The following CPZ variants were observed in gnomAD, a reference collection of about 807,000 sequenced individuals.
The protein encoded by CPZ is carboxypeptidase Z.
Under a neutral mutation model 61.8 loss-of-function variants are expected in CPZ, and 103 were observed. The ratio of observed to expected loss-of-function variants is 1.67; its 90% confidence interval spans 1.42 to 1.96. CPZ has a LOEUF of 1.96. Among genes scored for constraint, CPZ ranks in the 30% most tolerant of loss-of-function variants. CPZ has a pLI of 0.00. For missense variants in CPZ, 1,461 were observed against 914.9 expected (o/e 1.60, Z -7.70); for synonymous variants, 551 against 373.7 (o/e 1.47, Z -5.47).
Position 8,592,774 on chromosome 4 carries a change from G to A in CPZ, c.-60G>A. ...GGAGCCCAGCGAGCGCAGAGCCCCG[G>A]CCCCGCGCGGCCCGAGTGCCACATC... On this transcript the variant is annotated 5_prime_UTR_variant, in exon 1 of 11. Coordinates refer to ENST00000360986, the MANE Select transcript of CPZ (RefSeq NM_001014447.3). 8.1e-7 allele frequency: 1 copy of A among 1,236,500 alleles called. No homozygotes were observed. Among genetic ancestry groups the A allele is most frequent in the Non-Finnish European group, 1.1e-6 (1 of 951,598 alleles). The allele number at this position is 1,236,500 out of a possible 1,614,324, so 76.6% of individuals were successfully genotyped here.
At position 8,619,515 on chromosome 4, in the gene CPZ, C is replaced by A; in HGVS notation, c.1857C>A (p.Leu619=). Residue 619 remains leucine, a synonymous_variant, in exon 11 of 11, where the codon CTC becomes CTA. Transcript: ENST00000360986. ...GGGAGGCCACGGAGCCCGACCCGCT[C>A]CGGGCGCGCAGGCAGCCCTCGGCCG... ...SLGEATEPDP[L]RARRQPSADG... is the part of the protein sequence containing the mutation. The A allele has an allele frequency of 1.3e-6, 2 of 1,597,468 alleles. No individual in the cohort carries two copies. The highest frequency in any genetic ancestry group is 1.7e-6 in the Non-Finnish European group (2 of 1,170,364).
rs190728963 is a variant in CPZ, at chr4:8,619,719, G to C, written c.*102G>C. The C allele has an allele frequency of 1.1e-6, 1 of 875,958 alleles. No individual in the cohort carries two copies. Among genetic ancestry groups the C allele is most frequent in the African/African-American group, 1.7e-5 (1 of 58,160 alleles). 54.3% of individuals were successfully genotyped at this position (875,958 alleles called of 1,614,324 possible). On this transcript the variant is annotated 3_prime_UTR_variant, in exon 11 of 11. Transcript: ENST00000360986. The stretch of plus-strand genomic sequence containing the variant: ...TCTGCCACAGACATCCCACAAAGCC[G>C]CTGCCATTTTATTAAAGTGTTTTGA...
chr4:8,614,383 A>G lies in CPZ; in HGVS notation c.1388A>G (p.His463Arg), dbSNP rs774151966. ...GGCATGTCCGATTTCAACTACCTGC[A>G]CACCAACTGCTTTGAGATCACGGTA... ...TGGMSDFNYLHTNCFEITVEL... is the reference protein window; with the variant it reads ...TGGMSDFNYLRTNCFEITVEL... The change falls in exon 9 of 11, where the codon CAC becomes CGC. Residue 463 changes from histidine (H) to arginine (R), a missense_variant. His to Arg is a conservative substitution (Grantham distance 29, BLOSUM62 0). Coordinates refer to ENST00000360986, the MANE Select transcript of CPZ (RefSeq NM_001014447.3). 1.4e-5 allele frequency: 23 copies of G among 1,613,648 alleles called. No individual in the cohort carries two copies. The highest frequency in any genetic ancestry group is 8.5e-6 in the Non-Finnish European group (10 of 1,179,848).
chr4:8,610,489 G>A (rs775106564), intron 7 of CPZ, among the ~76,000 whole-genome samples: 5 of 152,156 alleles, frequency 3.3e-5, no homozygotes, highest in African/African-American at 4.8e-5. Context: ...AGGGTGACAC[G>A]GTGGGTTGGG....
Position 8,601,184 on chromosome 4 carries a change from C to T in CPZ, c.183C>T (p.Phe61=). The T allele has an allele frequency of 6.2e-7, 1 of 1,611,158 alleles. No individual in the cohort carries two copies. The highest frequency in any genetic ancestry group is 8.5e-7 in the Non-Finnish European group (1 of 1,178,346). The change falls in exon 3 of 11, where the codon TTC becomes TTT. Residue 61 remains phenylalanine (F), a synonymous_variant. Coordinates refer to ENST00000360986, the MANE Select transcript of CPZ (RefSeq NM_001014447.3). Reference sequence around the variant, plus strand: ...ATGCCGCCTACAACCACACCACCTTCCCCAACCTGCTTCAGCACCGGTCGT... The same window carrying T: ...ATGCCGCCTACAACCACACCACCTTTCCCAACCTGCTTCAGCACCGGTCGT... ...CSDAAYNHTT[F]PNLLQHRSWE... is the part of the protein sequence containing the mutation.
At chr4:8,593,594 C>T (rs907618196) in intron 1 of CPZ, among the ~76,000 whole-genome samples, 1 of 152,192 alleles carries the variant, frequency 6.6e-6, no homozygotes, top group East Asian at 1.9e-4. Flanking sequence ...TGTGGGGGTG[C>T]ATCTAGCCAA....
At position 8,605,995 on chromosome 4, in the gene CPZ, C is replaced by T. The variant is rs1325303092; in HGVS notation, c.716C>T (p.Pro239Leu). 6.2e-7 allele frequency: 1 copy of T among 1,612,394 alleles called. No individual in the cohort carries two copies. Residue 239 changes from proline (P) to leucine (L), a missense_variant, in exon 5 of 11, where the codon CCC (proline) becomes CTC (leucine). Pro to Leu is a moderately conservative substitution (Grantham distance 98, BLOSUM62 -3). Coordinates refer to ENST00000360986, the MANE Select transcript of CPZ (RefSeq NM_001014447.3). The part of the protein sequence containing the change: ...SRPGQHELME[P>L]EVKLIGNIHG... ...TCTCTGTATTTGCCCCCAGTGGAGC[C>T]CGAGGTGAAGCTCATCGGCAACATT...
rs1389888799 is a variant in CPZ, at chr4:8,592,826, G to T, written c.-8G>T. ...CTGCGCTGGCCGTCCAAGGTCCGCC[G>T]CCCCACCATGCCGCCCCCGCTGCCG... On this transcript the variant is annotated 5_prime_UTR_variant, in exon 1 of 11. Transcript: ENST00000360986. 1 of 1,458,078 alleles carries T rather than the reference G, an allele frequency of 6.9e-7. No homozygotes were observed. The highest frequency in any genetic ancestry group is 9.0e-7 in the Non-Finnish European group (1 of 1,110,634). 90.3% of individuals were successfully genotyped at this position (1,458,078 alleles called of 1,614,324 possible).
Position 8,618,511 on chromosome 4 carries a change from G to A in CPZ, c.1586G>A (p.Arg529His), listed in dbSNP as rs143243881. ...GCCCGGATCTCAGTCAAAGGCATTC[G>A]CCACGACATCACCACAGGTGAGCAC... Reference protein sequence around the residue: ...KNARISVKGIRHDITTAPDGD... With the variant: ...KNARISVKGIHHDITTAPDGD... Residue 529 changes from arginine to histidine, a missense_variant, in exon 10 of 11, where the codon CGC (arginine) becomes CAC (histidine). By Grantham distance (29) the Arg-to-His change is conservative. Transcript: ENST00000360986. 1.4e-4 allele frequency: 231 copies of A among 1,613,880 alleles called. No homozygotes were observed. Among genetic ancestry groups the A allele is most frequent in the Middle Eastern group, 6.6e-4 (4 of 6,062 alleles).
rs75215079 is a variant in CPZ at position 8,618,024 on chromosome 4, C to G, written c.1504-405C>G. ...GGTCCGAGCACTGTCCTCGTCCTCT[C>G]CCATGCCCACGCCACCTTCAGGAGC... On this transcript the variant is annotated intron_variant, in intron 9 of 10. Transcript: ENST00000360986. 8.2e-5 allele frequency: 21 copies of G among 256,696 alleles called. No individual in the cohort carries two copies. The East Asian group carries it at 1.6e-3, about 19-fold the overall frequency. 15.9% of individuals were successfully genotyped at this position (256,696 alleles called of 1,614,324 possible).
chr4:8,618,465 T>C lies in CPZ; in HGVS notation c.1540T>C (p.Phe514Leu), dbSNP rs140681534. Reference sequence around the variant, plus strand: ...CATCAAAGGTGTGGTGACAGATAAATTCGGCAAGCCAGTCAAAAACGCCCG... The same window carrying C: ...CATCAAAGGTGTGGTGACAGATAAACTCGGCAAGCCAGTCAAAAACGCCCG... ...RGIKGVVTDK[F>L]GKPVKNARIS... Residue 514 changes from phenylalanine (F) to leucine (L), a missense_variant, in exon 10 of 11, where the codon TTC becomes CTC. Phe to Leu is a conservative substitution (Grantham distance 22). Coordinates refer to ENST00000360986, the MANE Select transcript of CPZ (RefSeq NM_001014447.3). 8 of 1,614,090 alleles carry C rather than the reference T, an allele frequency of 5.0e-6. No homozygotes were observed. Among genetic ancestry groups the C allele is most frequent in the African/African-American group, 1.3e-5 (1 of 74,950 alleles).
chr4:8,616,617 G>C (rs1261634456), intron 9 of CPZ, among the ~76,000 whole-genome samples: 3 of 152,184 alleles, frequency 2.0e-5, no homozygotes, highest in Non-Finnish European at 4.4e-5. Context: ...GAATCGGCCC[G>C]GTGAGGGGCT....
At chr4:8,608,894 G>A (rs987633456) in intron 7 of CPZ, among the ~76,000 whole-genome samples, 6 of 152,176 alleles carry the variant, frequency 3.9e-5, no homozygotes, top group Non-Finnish European at 8.8e-5. Context: ...GCAGGAATGG[G>A]GAGAGCAAGC....
At chr4:8,607,713 T>C (rs1320351202) in intron 7 of CPZ, among the ~76,000 whole-genome samples, 4 of 152,166 alleles carry the variant, frequency 2.6e-5, no homozygotes, top group Non-Finnish European at 5.9e-5. Context: ...GCCTCAGCGC[T>C]GCTGTTCCTT....
chr4:8,605,322 T>TGATCCATCCATCCATC (rs1553876714), intron 4 of CPZ, among the ~76,000 whole-genome samples: 3 of 149,978 alleles, frequency 2.0e-5, no homozygotes, highest in African/African-American at 4.9e-5. Flanking sequence ...ATTCATTTAT[T>TGATCCATCCATCCATC]CATCCATCCA....
intron 9 of CPZ, chr4:8,618,049 C>A (rs1424198598): frequency 1.4e-4 from 37 of 266,434 alleles, no homozygotes; most frequent in Non-Finnish European, 7.3e-6. Context: ...CCTTCAGGAG[C>A]CTCAGCTCAG....
chr4:8,602,745 G>A (rs950760065), intron 3 of CPZ: 12 of 152,466 alleles, frequency 7.9e-5, no homozygotes, highest in Non-Finnish European at 1.6e-4. Context: ...CATTGAGGAG[G>A]GCAGGAGAAG....
chr4:8,619,238 C>G (rs1286635052), intron 10 of CPZ, 24 bp from the exon 11 acceptor site: 3 of 1,577,412 alleles, frequency 1.9e-6, no homozygotes, highest in Non-Finnish European at 2.6e-6. Flanking sequence ...TCGTGAGAAT[C>G]ATTTTTAATC....
At position 8,614,359 on chromosome 4, in the gene CPZ, G is replaced by A. The variant is rs1246374820; in HGVS notation, c.1364G>A (p.Gly455Asp). ...CGTCCCCGCTGTCTCTGTGCCACAG[G>A]CATGTCCGATTTCAACTACCTGCAC... The part of the protein sequence containing the change: ...NGADWYSFTG[G>D]MSDFNYLHTN... The change falls in exon 9 of 11, where the codon GGC becomes GAC. Residue 455 changes from glycine to aspartate, a missense_variant and splice_region_variant. By Grantham distance (94) the Gly-to-Asp change is moderately conservative. Coordinates refer to ENST00000360986, the MANE Select transcript of CPZ (RefSeq NM_001014447.3). 1.9e-6 allele frequency: 3 copies of A among 1,612,620 alleles called. No individual in the cohort carries two copies. Among genetic ancestry groups the A allele is most frequent in the Admixed American group, 1.7e-5 (1 of 59,912 alleles).
Sources: gnomAD v4.1 joint callset for allele counts (sites outside exome capture counted in the v4.1 genomes callset) on GRCh38, gnomAD v4.1.1 for gene constraint, MANE v1.5 for transcripts, NCBI Gene and HGNC (gene_info 2026-07-23, HGNC 2026-07-21) for gene names.